The following ROBO2 variants were observed in gnomAD, a reference collection of about 807,000 sequenced individuals.
ROBO2 encodes the protein roundabout guidance receptor 2, also known as roundabout homolog 2.
ROBO2 carries 53 observed loss-of-function variants against 160.8 expected under a neutral mutation model. The observed-to-expected ratio is 0.33, with a 90% confidence interval of 0.26 to 0.41. The LOEUF (loss-of-function observed/expected upper bound fraction) is 0.41. ROBO2 is among the 10% of genes least tolerant of loss of function. ROBO2 has a pLI of 1.00. For missense variants in ROBO2, 1,577 were observed against 1,722.4 expected, an observed-to-expected ratio of 0.92 and a Z score of 1.49; for synonymous variants, 664 against 611.7, an observed-to-expected ratio of 1.09 and a Z score of -1.26.
chr3:76,689,823 C>CTGTG lies in ROBO2; in HGVS notation c.110-408187_110-408184dup, dbSNP rs143919632. ...TTGCCCATCCAGTTCCCCGTTCTCT[C>CTGTG]TGTGTGTAGTCAGTTCTGTCTACCA... On this transcript the variant is annotated intron_variant, in intron 2 of 26. Coordinates refer to the ROBO2 transcript ENST00000487694. Among the ~76,000 whole-genome samples the CTGTG allele has an allele frequency of 5.8e-3, 879 of 152,292 alleles. 33 individuals are homozygous for CTGTG. The highest frequency in any genetic ancestry group is 0.049 in the Admixed American group (743 of 15,282).
intron 2 of ROBO2, among the ~76,000 whole-genome samples, chr3:76,577,143 TG>T (rs746755747): frequency 6.6e-6 from 1 of 152,126 alleles, no homozygotes; most frequent in Non-Finnish European, 1.5e-5. Context: ...AGAGCATAAT[TG>T]TTAGAGAACA....
intron 1 of ROBO2, among the ~76,000 whole-genome samples, chr3:77,066,684 G>C (rs1463578529): frequency 1.3e-5 from 2 of 152,006 alleles, no homozygotes; most frequent in Non-Finnish European, 2.9e-5. Context: ...GTATTTCTTA[G>C]GGGGAGTGAT....
At chr3:76,569,459 A>T (rs1020843555) in intron 2 of ROBO2, among the ~76,000 whole-genome samples, 1 of 152,212 alleles carries the variant, frequency 6.6e-6, no homozygotes, top group South Asian at 2.1e-4. Context: ...TTTGCCACAT[A>T]GAGAATTGTA....
intron 2 of ROBO2, among the ~76,000 whole-genome samples, chr3:77,457,964 A>G (rs937124240): frequency 1.3e-5 from 2 of 152,204 alleles, no homozygotes; most frequent in African/African-American, 4.8e-5. Flanking sequence ...GAGACTATAT[A>G]TAACTTTAAA....
intron 2 of ROBO2, among the ~76,000 whole-genome samples, chr3:76,673,480 G>A (rs2092324203): frequency 6.6e-6 from 1 of 152,182 alleles, no homozygotes; most frequent in Admixed American, 6.5e-5. Flanking sequence ...GGAAAGGCAG[G>A]TACAGGATTT....
chr3:76,034,199 T>C (rs1242198936), intron 2 of ROBO2, among the ~76,000 whole-genome samples: 1 of 152,236 alleles, frequency 6.6e-6, no homozygotes, highest in Non-Finnish European at 1.5e-5. Flanking sequence ...TCATTTTGCT[T>C]TGAATAAGGC....
chr3:76,758,546 C>A (rs545834237), intron 2 of ROBO2, among the ~76,000 whole-genome samples: 1 of 151,928 alleles, frequency 6.6e-6, no homozygotes, highest in East Asian at 2.0e-4. Flanking sequence ...AAGCAATGTT[C>A]CTGATCCTTC....
intron 14 of ROBO2, 22 bp downstream of exon 15, chr3:77,574,752 A>C (rs2093719514): frequency 6.3e-7 from 1 of 1,591,100 alleles, no homozygotes; most frequent in Admixed American, 1.7e-5. Flanking sequence ...GATTTCGAAT[A>C]TAAATCAAAC....
At chr3:75,992,111 C>G (rs925935106) in intron 2 of ROBO2, among the ~76,000 whole-genome samples, 3 of 152,114 alleles carry the variant, frequency 2.0e-5, no homozygotes, top group African/African-American at 7.2e-5. Flanking sequence ...AAGAAAATCC[C>G]ATTTTCTGAG....
At chr3:76,940,288 G>A (rs1328552508) in intron 2 of ROBO2, among the ~76,000 whole-genome samples, 8 of 152,098 alleles carry the variant, frequency 5.3e-5, no homozygotes, top group Non-Finnish European at 1.0e-4. Flanking sequence ...CGCCGCAACA[G>A]GATATTTTTA....
At chr3:76,589,456 C>G (rs1449309376) in intron 2 of ROBO2, among the ~76,000 whole-genome samples, 2 of 152,096 alleles carry the variant, frequency 1.3e-5, no homozygotes, top group Admixed American at 6.6e-5. Context: ...GCCGCCACCA[C>G]GCCCGGCTAA....
At chr3:77,353,220 A>G (rs912954288) in intron 2 of ROBO2, among the ~76,000 whole-genome samples, 3 of 152,174 alleles carry the variant, frequency 2.0e-5, no homozygotes, top group African/African-American at 7.2e-5. Context: ...TGTACATTGA[A>G]CCAGATGATA....
chr3:76,605,785 T>C lies in ROBO2; in HGVS notation c.110-492229T>C, dbSNP rs766870982. ...GTATTTAAGGACTATCATATTTATG[T>C]ATAGGTAGATTTTTCTCCCCCCCTT... On this transcript the variant is annotated intron_variant, in intron 2 of 26. Coordinates refer to the ROBO2 transcript ENST00000487694. Among the ~76,000 whole-genome samples the C allele has an allele frequency of 4.9e-4, 75 of 152,066 alleles. 1 individual carries two copies. Among genetic ancestry groups the C allele is most frequent in the Non-Finnish European group, 9.9e-4 (67 of 67,976 alleles).
intron 21 of ROBO2, among the ~76,000 whole-genome samples, chr3:77,615,348 C>T (rs960753894): frequency 2.6e-5 from 4 of 152,146 alleles, no homozygotes; most frequent in Non-Finnish European, 5.9e-5. Context: ...GACACATCAT[C>T]ATCACCTAGA....
chr3:77,460,401 A>G (rs2082123872), intron 2 of ROBO2, among the ~76,000 whole-genome samples: 1 of 152,150 alleles, frequency 6.6e-6, no homozygotes, highest in South Asian at 2.1e-4. Flanking sequence ...GCAGGTGGAC[A>G]CAAGACTGAA....
chr3:76,853,537 T>G (rs888702676), intron 2 of ROBO2, among the ~76,000 whole-genome samples: 1 of 152,112 alleles, frequency 6.6e-6, no homozygotes, highest in Non-Finnish European at 1.5e-5. Context: ...TTTCCTAAAT[T>G]TACTGCAAAT....
At chr3:76,813,066 T>A in intron 2 of ROBO2, among the ~76,000 whole-genome samples, 1 of 152,074 alleles carries the variant, frequency 6.6e-6, no homozygotes, top group African/African-American at 2.4e-5. Flanking sequence ...CTTGGAAGAA[T>A]ATTAAAACAA....
At chr3:76,946,421 G>A (rs1435596917) in intron 2 of ROBO2, among the ~76,000 whole-genome samples, 1 of 151,724 alleles carries the variant, frequency 6.6e-6, no homozygotes, top group East Asian at 1.9e-4. Context: ...TTTTTTTGTT[G>A]TTGTTTGTTT....
At chr3:76,735,759 CAA>C (rs60229835) in intron 2 of ROBO2, among the ~76,000 whole-genome samples, 17 of 43,838 alleles carry the variant, frequency 3.9e-4, no homozygotes, top group Admixed American at 6.3e-4. Context: ...GACCCTGTCT[CAA>C]AAAAAAAAAA....
Sources: gnomAD v4.1 joint callset for allele counts (sites outside exome capture counted in the v4.1 genomes callset) on GRCh38, gnomAD v4.1.1 for gene constraint, MANE v1.5 for transcripts, NCBI Gene and HGNC (gene_info 2026-07-23, HGNC 2026-07-21) for gene names.